ARMH4: variants seen among roughly 807,000 people sequenced by gnomAD.
ARMH4 encodes the protein armadillo like helical domain containing 4.
A neutral mutation model predicts 61.9 loss-of-function variants in ARMH4; 49 were observed. The observed-to-expected ratio is 0.79, with a 90% CI of 0.63 to 1.00. ARMH4 has a LOEUF of 1.00. Ranked by LOEUF, ARMH4 falls within the 50% of genes least tolerant of loss-of-function variation. The probability of loss-of-function intolerance (pLI) is 0.00; values close to 1 mark genes in which losing one functional copy is unlikely to be tolerated. For synonymous variants in ARMH4, 368 were observed against 341.5 expected (o/e 1.08, Z -0.85); for missense variants, 934 against 930.0 (o/e 1.00, Z -0.06).
At chr14:58,006,845 C>T (rs1882192361) in intron 6 of ARMH4, among the ~76,000 whole-genome samples, 1 of 151,956 alleles carries the variant, frequency 6.6e-6, no homozygotes, top group Non-Finnish European at 1.5e-5. Flanking sequence ...ACCAACATGG[C>T]ACATGTATAC....
intron 4 of ARMH4, among the ~76,000 whole-genome samples, chr14:58,114,463 C>T (rs1480914074): frequency 6.6e-6 from 1 of 152,072 alleles, no homozygotes; most frequent in African/African-American, 2.4e-5. Context: ...ACTTGTAATC[C>T]CATCAATTTA....
At chr14:58,015,218 C>A (rs1216955783) in intron 5 of ARMH4, among the ~76,000 whole-genome samples, 2 of 152,140 alleles carry the variant, frequency 1.3e-5, no homozygotes, top group Non-Finnish European at 2.9e-5. Context: ...CCACTGAAGG[C>A]AAGAAGGCAC....
At chr14:58,079,729 C>T (rs1475911106) in intron 5 of ARMH4, among the ~76,000 whole-genome samples, 1 of 152,178 alleles carries the variant, frequency 6.6e-6, no homozygotes, top group East Asian at 1.9e-4. Flanking sequence ...CTCCCGTGAG[C>T]AAGACTGGAT....
intron 5 of ARMH4, among the ~76,000 whole-genome samples, chr14:58,041,435 C>T (rs1184256341): frequency 6.6e-6 from 1 of 152,164 alleles, no homozygotes; most frequent in African/African-American, 2.4e-5. Context: ...ACAAGAGCTC[C>T]TGAAGGGAAC....
chr14:58,148,384 A>C (rs1330514876), intron 1 of ARMH4, among the ~76,000 whole-genome samples: 2 of 152,240 alleles, frequency 1.3e-5, no homozygotes, highest in Non-Finnish European at 2.9e-5. Flanking sequence ...TGTACGACCC[A>C]TGGTTCCCTA....
At chr14:58,053,987 G>A (rs965351631) in intron 5 of ARMH4, among the ~76,000 whole-genome samples, 1 of 152,168 alleles carries the variant, frequency 6.6e-6, no homozygotes, top group African/African-American at 2.4e-5. Flanking sequence ...TCTGAGTTGG[G>A]ATGTTAAGAA....
chr14:58,084,661 A>G (rs1382736976), intron 5 of ARMH4, among the ~76,000 whole-genome samples: 12 of 152,230 alleles, frequency 7.9e-5, no homozygotes, highest in Non-Finnish European at 4.4e-5. Flanking sequence ...GAAAGATTTC[A>G]GCCCTGCAGG....
At chr14:58,131,425 T>A (rs1221284600) in intron 4 of ARMH4, 87 bp downstream of exon 4, 4 of 1,076,454 alleles carry the variant, frequency 3.7e-6, no homozygotes, top group Middle Eastern at 2.4e-4. Flanking sequence ...AGATTGAATA[T>A]ACTCCTACTT....
At chr14:58,126,943 T>C (rs374642547) in intron 4 of ARMH4, among the ~76,000 whole-genome samples, 4 of 151,810 alleles carry the variant, frequency 2.6e-5, no homozygotes, top group African/African-American at 9.7e-5. Flanking sequence ...GCTGGGATTA[T>C]AGGTGTGTGC....
In ARMH4 at chr14:58,117,335, C is replaced by T. The variant is rs143101658; in HGVS notation, c.1831+14177G>A. 8.5e-3 allele frequency among the ~76,000 whole-genome samples: 1,294 copies of T among 152,302 alleles called. 7 individuals carry two copies. The highest frequency in any genetic ancestry group is 0.014 in the Non-Finnish European group (923 of 68,024). ...TAAAGGACTACTTGCTTTAAGCAAA[C>T]ATACACAAAACTTGTATATAAAAAT... On this transcript the variant is annotated intron_variant, in intron 4 of 7. Coordinates refer to ENST00000267485, the MANE Select transcript of ARMH4 (RefSeq NM_001001872.4).
In ARMH4 at chr14:58,148,870, C is replaced by T. The variant is rs542379044; in HGVS notation, c.-57+3205G>A. ...TTACACACACACACACACACACACA[C>T]ACACACACACGCAACAGACCAACAG... On this transcript the variant is annotated intron_variant, in intron 1 of 7. Transcript: ENST00000267485. Among the ~76,000 whole-genome samples the T allele has an allele frequency of 2.0e-5, 3 of 152,140 alleles. No homozygotes were observed. The East Asian group carries it at 5.8e-4, about 29-fold the overall frequency.
At chr14:58,053,212 A>G (rs922695354) in intron 5 of ARMH4, among the ~76,000 whole-genome samples, 1 of 152,222 alleles carries the variant, frequency 6.6e-6, no homozygotes, top group Non-Finnish European at 1.5e-5. Flanking sequence ...CTTACAAGAC[A>G]TCCTGCAGCC....
chr14:58,120,537 T>C (rs1274745318), intron 4 of ARMH4, among the ~76,000 whole-genome samples: 1 of 152,128 alleles, frequency 6.6e-6, no homozygotes, highest in Non-Finnish European at 1.5e-5. Flanking sequence ...TGTAAAATAT[T>C]TGAAGAGATA....
At chr14:58,140,022 C>T (rs2139983938) in intron 1 of ARMH4, among the ~76,000 whole-genome samples, 1 of 152,118 alleles carries the variant, frequency 6.6e-6, no homozygotes, top group South Asian at 2.1e-4. Flanking sequence ...GTAATCCCAG[C>T]ACTTTGGAGG....
Position 58,096,983 on chromosome 14 carries a change from T to C in ARMH4, c.1832-2A>G. The C allele has an allele frequency of 6.2e-7, 1 of 1,612,628 alleles. No individual in the cohort carries two copies. The highest frequency in any genetic ancestry group is 8.5e-7 in the Non-Finnish European group (1 of 1,178,908). On this transcript the variant is annotated splice_acceptor_variant, in intron 4 of 7. Transcript: ENST00000267485. LOFTEE classifies it high-confidence loss of function. ...CTTCATCCTCATCTTCTTGTCCCTCTAGGCAAAAAGAAATCAAAGGGAAGC... is the reference window on the plus strand; with the variant it reads ...CTTCATCCTCATCTTCTTGTCCCTCCAGGCAAAAAGAAATCAAAGGGAAGC...
rs370648635 is a variant in ARMH4, at chr14:58,034,053, C to T, written c.2090-21903G>A. ...GTTCAGATTCAGGAAATACAGAGAA[C>T]GCCACAAAGATACTCCTCTAGAACA... On this transcript the variant is annotated intron_variant, in intron 5 of 7. Coordinates refer to ENST00000267485, the MANE Select transcript of ARMH4 (RefSeq NM_001001872.4). Among the ~76,000 whole-genome samples, 48 of 123,644 alleles carry T rather than the reference C, an allele frequency of 3.9e-4. 1 individual carries two copies. The South Asian group carries it at 9.7e-3, about 25-fold the overall frequency. The allele number at this position is 123,644 out of a possible 152,430, so 81.1% of individuals were successfully genotyped here. A position where few individuals can be genotyped will look rare whatever the true frequency, so the allele number is the denominator to read the frequency against.
At chr14:58,131,825 T>A in intron 3 of ARMH4, 104 bp from the exon 4 acceptor site, 1 of 1,072,852 alleles carries the variant, frequency 9.3e-7, no homozygotes, top group South Asian at 1.5e-5. Flanking sequence ...ACCAATATCA[T>A]ACAATACAGC....
At chr14:58,006,932 T>A (rs4898954) in intron 6 of ARMH4, among the ~76,000 whole-genome samples, 28,654 of 147,118 alleles carry the variant, frequency 0.19, 3,132 homozygotes, top group Middle Eastern at 0.25. Context: ...ATAAATAAAT[T>A]AATTAATTAA....
At chr14:58,031,516 A>G (rs1883228951) in intron 5 of ARMH4, among the ~76,000 whole-genome samples, 1 of 152,198 alleles carries the variant, frequency 6.6e-6, no homozygotes, top group Non-Finnish European at 1.5e-5. Context: ...ACACTAAGAG[A>G]GCCTGACCAA....
Sources: gnomAD v4.1 joint callset for allele counts (sites outside exome capture counted in the v4.1 genomes callset) on GRCh38, gnomAD v4.1.1 for gene constraint, MANE v1.5 for transcripts, NCBI Gene and HGNC (gene_info 2026-07-23, HGNC 2026-07-21) for gene names.